Variants in GPHN observed in about 807,000 individuals in gnomAD.
The protein encoded by GPHN is gephyrin.
GPHN carries 17 observed loss-of-function variants against 95.5 expected under a neutral mutation model. That is an observed-to-expected ratio of 0.18 (90% confidence interval 0.12 to 0.27). The LOEUF is 0.27. GPHN is among the 10% of genes least tolerant of loss of function. GPHN has a pLI of 1.00. For synonymous variants in GPHN, 320 were observed against 322.5 expected (o/e 0.99, Z 0.08); for missense variants, 660 against 978.1 (o/e 0.67, Z 4.34).
chr14:67,526,349 C>T, the GPHN span, among the ~76,000 whole-genome samples: 15 of 152,198 alleles, frequency 9.9e-5, no homozygotes, highest in Non-Finnish European at 2.1e-4. Context: ...GTCCCCTGCC[C>T]GTGTAACATG....
chr14:66,973,355 A>T (rs2153593316), intron 9 of GPHN, among the ~76,000 whole-genome samples: 1 of 152,340 alleles, frequency 6.6e-6, no homozygotes, highest in South Asian at 2.1e-4. Context: ...AGAAGTTATA[A>T]TTCCCAGCTA....
intron 3 of GPHN, among the ~76,000 whole-genome samples, chr14:66,787,658 A>G (rs1040344502): frequency 3.3e-5 from 5 of 152,102 alleles, no homozygotes; most frequent in Non-Finnish European, 5.9e-5. Context: ...AGAATAGAGA[A>G]CCTATAATAG....
At chr14:66,592,424 C>A (rs879998770) in intron 1 of GPHN, among the ~76,000 whole-genome samples, 1 of 150,188 alleles carries the variant, frequency 6.7e-6, no homozygotes, top group Non-Finnish European at 1.5e-5. Context: ...GGCCAATATC[C>A]AGAATCTAGA....
chr14:66,638,164 A>G (rs1272758745), intron 1 of GPHN, among the ~76,000 whole-genome samples: 3 of 152,054 alleles, frequency 2.0e-5, no homozygotes, highest in Non-Finnish European at 4.4e-5. Context: ...ATTACTTATC[A>G]GCTAGCTTTC....
In GPHN at chr14:67,144,257, A is replaced by G. The variant is rs1432823705; in HGVS notation, c.1836+808A>G. On this transcript the variant is annotated intron_variant, in intron 18 of 22. Coordinates refer to ENST00000478722, the MANE Select transcript of GPHN (RefSeq NM_020806.5). ...GTCTTAAAAAAAAAAAAAAATATATATATATATATATATATATATATATAT... is the reference window on the plus strand; with the variant it reads ...GTCTTAAAAAAAAAAAAAAATATATGTATATATATATATATATATATATAT... 2.5e-4 allele frequency among the ~76,000 whole-genome samples: 22 copies of G among 87,050 alleles called. 1 individual carries two copies. The highest frequency in any genetic ancestry group is 1.2e-3 in the African/African-American group (20 of 17,090). 57.1% of individuals were successfully genotyped at this position (87,050 alleles called of 152,430 possible). A position where few individuals can be genotyped will look rare whatever the true frequency, so the allele number is the denominator to read the frequency against.
intron 1 of GPHN, among the ~76,000 whole-genome samples, chr14:66,657,287 G>A (rs1348168293): frequency 1.3e-5 from 2 of 152,142 alleles, no homozygotes; most frequent in African/African-American, 2.4e-5. Context: ...AGCTAGCAGA[G>A]GTTGCTTCCT....
At chr14:66,841,925 C>T (rs1204397167) in intron 4 of GPHN, among the ~76,000 whole-genome samples, 1 of 151,902 alleles carries the variant, frequency 6.6e-6, no homozygotes, top group South Asian at 2.1e-4. Context: ...TGGTGGTGCA[C>T]GCCTGTAATC....
chr14:66,995,085 C>T (rs566565624), intron 9 of GPHN, among the ~76,000 whole-genome samples: 1 of 152,202 alleles, frequency 6.6e-6, no homozygotes, highest in East Asian at 1.9e-4. Context: ...CCCCACCGTA[C>T]CTTTGTGTTT....
At chr14:67,690,715 G>A in the GPHN span, 1 of 416,426 alleles carries the variant, frequency 2.4e-6, no homozygotes, top group African/African-American at 2.0e-5. Flanking sequence ...TGGGTGCGGT[G>A]GCTCACGCCG....
At chr14:66,559,109 T>G (rs2060125158) in intron 1 of GPHN, among the ~76,000 whole-genome samples, 1 of 152,196 alleles carries the variant, frequency 6.6e-6, no homozygotes, top group East Asian at 1.9e-4. Flanking sequence ...GGTGTATATA[T>G]TGCCACATTT....
chr14:66,574,933 C>G (rs1264827637), intron 1 of GPHN, among the ~76,000 whole-genome samples: 2 of 152,200 alleles, frequency 1.3e-5, no homozygotes, highest in East Asian at 1.9e-4. Flanking sequence ...AGGAGTCAGC[C>G]ATGTTACCAG....
intron 1 of GPHN, among the ~76,000 whole-genome samples, chr14:66,669,807 C>A (rs571607011): frequency 5.9e-5 from 9 of 152,122 alleles, no homozygotes; most frequent in Admixed American, 5.2e-4. Flanking sequence ...GATTAAGATT[C>A]TTTTTCTTTG....
At chr14:66,907,084 C>T (rs367839461) in intron 5 of GPHN, among the ~76,000 whole-genome samples, 8 of 152,102 alleles carry the variant, frequency 5.3e-5, no homozygotes, top group African/African-American at 1.9e-4. Context: ...AGATATTTAA[C>T]CAATTTATGT....
At chr14:66,586,201 A>C (rs575811415) in intron 1 of GPHN, among the ~76,000 whole-genome samples, 1 of 141,834 alleles carries the variant, frequency 7.1e-6, no homozygotes, top group African/African-American at 3.0e-5. Flanking sequence ...ATCAGAGACT[A>C]GGATTGCAAC....
the GPHN span, among the ~76,000 whole-genome samples, chr14:67,708,794 C>T: frequency 1.5e-5 from 2 of 136,900 alleles, no homozygotes; most frequent in Non-Finnish European, 3.1e-5. Flanking sequence ...TTAATAATAC[C>T]TTTTTTTTTT....
chr14:67,067,762 G>T (rs903560372), intron 11 of GPHN, among the ~76,000 whole-genome samples: 1 of 152,154 alleles, frequency 6.6e-6, no homozygotes, highest in Non-Finnish European at 1.5e-5. Flanking sequence ...TGCCAAGCCA[G>T]GCATGGGAGA....
chr14:67,140,061 GA>G (rs1253519225), intron 17 of GPHN, among the ~76,000 whole-genome samples: 1 of 151,866 alleles, frequency 6.6e-6, no homozygotes, highest in African/African-American at 2.4e-5. Context: ...CACAAAATAG[GA>G]AAAAAACATG....
intron 11 of GPHN, among the ~76,000 whole-genome samples, chr14:67,088,323 C>G (rs1242375549): frequency 6.6e-6 from 1 of 152,072 alleles, no homozygotes; most frequent in African/African-American, 2.4e-5. Flanking sequence ...CATGTATGTT[C>G]TTTCCTTTTC....
At chr14:66,728,247 TG>T (rs1486551215) in intron 2 of GPHN, among the ~76,000 whole-genome samples, 1 of 151,886 alleles carries the variant, frequency 6.6e-6, no homozygotes, top group Non-Finnish European at 1.5e-5. Flanking sequence ...GCTGCAGGGG[TG>T]GGGCTCTCAT....
Sources: allele counts gnomAD v4.1 joint callset (sites outside exome capture counted in the v4.1 genomes callset), GRCh38; gene constraint gnomAD v4.1.1; transcripts MANE v1.5; gene names NCBI Gene and HGNC (gene_info 2026-07-23, HGNC 2026-07-21).